Variants in RPE observed in about 807,000 individuals in gnomAD.
RPE encodes ribulose-5-phosphate-3-epimerase.
A neutral mutation model predicts 24.6 loss-of-function variants in RPE; 16 were observed. The observed-to-expected ratio is 0.65, with a 90% confidence interval of 0.44 to 0.99. The LOEUF is 0.99. RPE is among the 50% of genes least tolerant of loss of function. The pLI, the probability that RPE is intolerant of heterozygous loss-of-function variation, is 0.00. For synonymous variants in RPE, 93 were observed against 98.4 expected, an observed-to-expected ratio of 0.94 and a Z score of 0.33; for missense variants, 240 against 294.5, an observed-to-expected ratio of 0.81 and a Z score of 1.35.
intron 2 of RPE, among the ~76,000 whole-genome samples, chr2:210,012,257 A>T (rs933949574): frequency 5.9e-5 from 9 of 152,294 alleles, no homozygotes; most frequent in Admixed American, 5.9e-4. Context: ...CGGGTCATCC[A>T]TGAGAGTATA....
At chr2:210,012,668 C>T (rs2093716555) in intron 2 of RPE, among the ~76,000 whole-genome samples, 2 of 152,268 alleles carry the variant, frequency 1.3e-5, no homozygotes, top group Admixed American at 1.3e-4. Context: ...TTTTTCAGAC[C>T]TGGCTATTTT....
At chr2:210,014,561 C>T (rs76051748) in intron 2 of RPE, among the ~76,000 whole-genome samples, 21,157 of 151,696 alleles carry the variant, frequency 0.14, 1,811 homozygotes, top group East Asian at 0.29. Flanking sequence ...GGGAAGCCAG[C>T]GTCAGAGGAT....
At chr2:210,007,477 A>G (rs867147079) in intron 1 of RPE, among the ~76,000 whole-genome samples, 3 of 152,330 alleles carry the variant, frequency 2.0e-5, no homozygotes, top group Middle Eastern at 3.4e-3. Context: ...CTTCATATTT[A>G]CAGCAGGACA....
intron 1 of RPE, 146 bp downstream of exon 1, chr2:210,002,929 C>A: frequency 6.7e-7 from 1 of 1,490,314 alleles, no homozygotes; most frequent in South Asian, 1.2e-5. Context: ...GGGGTAGGAG[C>A]CCTGGAGGCT....
In RPE at chr2:210,002,671, G is replaced by C; in HGVS notation, c.10G>C (p.Gly4Arg). 1 of 1,613,312 alleles carries C rather than the reference G, an allele frequency of 6.2e-7. No homozygotes were observed. The highest frequency in any genetic ancestry group is 8.5e-7 in the Non-Finnish European group (1 of 1,179,384). ...TTTGGGAGCCAGCGGTATGGCGTCG[G>C]GCTGCAAGATTGGCCCGTCCATCCT... MAS[G>R]CKIGPSILNS... Residue 4 changes from glycine (G) to arginine (R), a missense_variant, in exon 1 of 6, where the codon GGC becomes CGC. Gly to Arg is a moderately radical substitution (Grantham distance 125, BLOSUM62 -2). Transcript: ENST00000359429.
In RPE at chr2:210,019,887, C is replaced by T. The variant is rs2093835803; in HGVS notation, c.*96C>T. ...AAATCACAATGCAATTGAAGCCGTA[C>T]TGCTTTTTTGAGCAGTTATTCATTC... On this transcript the variant is annotated 3_prime_UTR_variant, in exon 6 of 6. Transcript: ENST00000359429. The T allele has an allele frequency of 6.9e-6, 10 of 1,440,566 alleles. No homozygotes were observed. The highest frequency in any genetic ancestry group is 8.3e-6 in the Non-Finnish European group (9 of 1,079,042). 89.2% of individuals were successfully genotyped at this position (1,440,566 alleles called of 1,614,324 possible).
chr2:210,017,716 A>C, intron 5 of RPE, 157 bp downstream of exon 5: 1 of 649,100 alleles, frequency 1.5e-6, no homozygotes, highest in Non-Finnish European at 2.7e-6. Flanking sequence ...GAAAATAAAC[A>C]GCCATAAGTG....
intron 1 of RPE, among the ~76,000 whole-genome samples, chr2:210,008,778 C>T (rs1040369599): frequency 6.6e-6 from 1 of 152,154 alleles, no homozygotes; most frequent in African/African-American, 2.4e-5. Flanking sequence ...TCACTGCACC[C>T]TCCACCTCCC....
At chr2:210,008,011 G>C (rs1022978562) in intron 1 of RPE, among the ~76,000 whole-genome samples, 2 of 152,176 alleles carry the variant, frequency 1.3e-5, no homozygotes, top group African/African-American at 4.8e-5. Flanking sequence ...CAGTCTGGTG[G>C]TGAGAGTCAC....
intron 1 of RPE, among the ~76,000 whole-genome samples, chr2:210,007,483 G>A (rs2093645451): frequency 6.6e-6 from 1 of 152,058 alleles, no homozygotes; most frequent in African/African-American, 2.4e-5. Flanking sequence ...ATTTACAGCA[G>A]GACAAAAGTC....
At chr2:210,017,045 A>G (rs1483462292) in intron 4 of RPE, among the ~76,000 whole-genome samples, 1 of 152,102 alleles carries the variant, frequency 6.6e-6, no homozygotes, top group Non-Finnish European at 1.5e-5. Flanking sequence ...AGGTCTCACT[A>G]CGTACCCAGG....
At chr2:210,003,590 A>G (rs899836833) in intron 1 of RPE, 4 of 448,598 alleles carry the variant, frequency 8.9e-6, no homozygotes, top group African/African-American at 2.1e-5. Context: ...GACTCCCTCA[A>G]GATTACAGAA....
At chr2:210,005,169 C>G (rs1285878032) in intron 1 of RPE, among the ~76,000 whole-genome samples, 3 of 152,102 alleles carry the variant, frequency 2.0e-5, no homozygotes, top group African/African-American at 7.2e-5. Context: ...TAGGCTAGGG[C>G]TATGAAAGTG....
At chr2:210,005,674 C>CA (rs1249399789) in intron 1 of RPE, among the ~76,000 whole-genome samples, 15 of 152,034 alleles carry the variant, frequency 9.9e-5, no homozygotes, top group Non-Finnish European at 1.5e-5. Context: ...ACTGGGCCCT[C>CA]AGTCTTACCA....
At chr2:210,007,434 T>TCCC (rs2093645039) in intron 1 of RPE, among the ~76,000 whole-genome samples, 1 of 152,198 alleles carries the variant, frequency 6.6e-6, no homozygotes, top group African/African-American at 2.4e-5. Context: ...CCATCCTATC[T>TCCC]TATTTATTAA....
intron 2 of RPE, among the ~76,000 whole-genome samples, chr2:210,015,422 G>A (rs971892076): frequency 2.1e-4 from 32 of 152,032 alleles, no homozygotes; most frequent in Non-Finnish European, 3.5e-4. Context: ...CCTTCCCCAG[G>A]CACACCAGCC....
In RPE at chr2:210,019,959, T is replaced by C; in HGVS notation, c.*168T>C. 3.6e-6 allele frequency: 3 copies of C among 840,582 alleles called. No homozygotes were observed. Among genetic ancestry groups the C allele is most frequent in the Non-Finnish European group, 5.2e-6 (3 of 574,682 alleles). 52.1% of individuals were successfully genotyped at this position (840,582 alleles called of 1,614,324 possible). On this transcript the variant is annotated 3_prime_UTR_variant, in exon 6 of 6. Coordinates refer to ENST00000359429, the MANE Select transcript of RPE (RefSeq NM_199229.3). Reference sequence around the variant, plus strand: ...CAGAATATTCTAAGAGGTCAGAAATTGGTGTGTATAACTACATTTTTAGTG... The same window carrying C: ...CAGAATATTCTAAGAGGTCAGAAATCGGTGTGTATAACTACATTTTTAGTG...
intron 1 of RPE, among the ~76,000 whole-genome samples, chr2:210,004,323 G>A (rs1457463016): frequency 6.6e-6 from 1 of 152,188 alleles, no homozygotes; most frequent in Non-Finnish European, 1.5e-5. Context: ...ATGAGCACTT[G>A]ACTGTTTCTG....
intron 1 of RPE, among the ~76,000 whole-genome samples, chr2:210,003,233 C>G (rs934975126): frequency 1.3e-5 from 2 of 152,144 alleles, no homozygotes; most frequent in African/African-American, 4.8e-5. Context: ...GCTGGGTTAC[C>G]TTGGACAAGC....
Sources: gnomAD v4.1 joint callset for allele counts (sites outside exome capture counted in the v4.1 genomes callset) on GRCh38, gnomAD v4.1.1 for gene constraint, MANE v1.5 for transcripts, NCBI Gene and HGNC (gene_info 2026-07-23, HGNC 2026-07-21) for gene names.